RIBC2: variants seen among roughly 807,000 people sequenced by gnomAD.
RIBC2 encodes the protein RIB43A domain with coiled-coils 2, also known as RIB43A-like with coiled-coils protein 2.
In RIBC2, 40 loss-of-function variants were observed where a neutral mutation model predicts 44.3. The ratio of observed to expected loss-of-function variants is 0.90; its 90% CI spans 0.70 to 1.18. RIBC2 has a LOEUF of 1.18. RIBC2 is among the 50% of genes most tolerant of loss of function. The pLI is 0.00. For missense variants in RIBC2, 459 were observed against 485.5 expected (o/e 0.95, Z 0.51); for synonymous variants, 171 against 175.0 (o/e 0.98, Z 0.18).
chr22:45,432,142 G>A (rs1273537057), intron 6 of RIBC2, 142 bp from the exon 7 acceptor site: 2 of 561,590 alleles, frequency 3.6e-6, no homozygotes, highest in Non-Finnish European at 3.2e-6. Context: ...ATTTTGGGGG[G>A]CTCATTAGGT....
Position 45,425,993 on chromosome 22 carries a change from C to A in RIBC2, c.721C>A (p.Gln241Lys), listed in dbSNP as rs1555939245. Residue 241 changes from glutamine (Q) to lysine (K), a missense_variant, in exon 5 of 7, where the codon CAA (glutamine) becomes AAA (lysine). By Grantham distance (53) the Gln-to-Lys change is moderately conservative. Transcript: ENST00000614167. The part of the protein sequence containing the change: ...ERKKQEKKQE[Q>K]EDNLAEITNL... The stretch of plus-strand genomic sequence containing the variant: ...GAAAAAGCAAGAGAAAAAGCAAGAA[C>A]AAGAGGACAACTTGGCCGAGATCAC... 1 of 1,614,080 alleles carries A rather than the reference C, an allele frequency of 6.2e-7. No homozygotes were observed. The highest frequency in any genetic ancestry group is 1.1e-5 in the South Asian group (1 of 91,084).
chr22:45,414,642 C>T (rs1031713064), intron 2 of RIBC2, among the ~76,000 whole-genome samples: 1 of 152,014 alleles, frequency 6.6e-6, no homozygotes, highest in African/African-American at 2.4e-5. Flanking sequence ...ACCCAGCCCT[C>T]CTTTCTTCAC....
rs200448122 is a variant in RIBC2 at position 45,426,021 on chromosome 22, A to G, written c.749A>G (p.Asn250Ser). 2.4e-5 allele frequency: 39 copies of G among 1,613,774 alleles called. No homozygotes were observed. The highest frequency in any genetic ancestry group is 3.1e-5 in the Non-Finnish European group (36 of 1,179,988). ...EQEDNLAEIT[N>S]LLRGDLLSEN... ...GAGGACAACTTGGCCGAGATCACCA[A>G]CCTCCTGCGTGGGGACCTGCTCTCC... Residue 250 changes from asparagine to serine, a missense_variant, in exon 5 of 7, where the codon AAC becomes AGC. By Grantham distance (46) the Asn-to-Ser change is conservative (BLOSUM62 1). Transcript: ENST00000614167.
At chr22:45,431,106 G>A (rs370643392) in intron 6 of RIBC2, 40 bp downstream of exon 6, 19 of 1,553,608 alleles carry the variant, frequency 1.2e-5, no homozygotes, top group African/African-American at 2.7e-5. Context: ...GGGGGACCGG[G>A]TGGAGGGACC....
chr22:45,425,153 A>C (rs2087522874), intron 4 of RIBC2, among the ~76,000 whole-genome samples: 1 of 152,070 alleles, frequency 6.6e-6, no homozygotes, highest in African/African-American at 2.4e-5. Flanking sequence ...ACAAAAAAAA[A>C]CGGGTGTAGG....
chr22:45,428,708 G>A (rs1258965052), intron 5 of RIBC2, among the ~76,000 whole-genome samples: 1 of 152,154 alleles, frequency 6.6e-6, no homozygotes, highest in East Asian at 1.9e-4. Context: ...GGGCCGGGGG[G>A]AGTTAGTGCT....
At chr22:45,423,701 G>A (rs192219363) in intron 4 of RIBC2, among the ~76,000 whole-genome samples, 82 of 152,234 alleles carry the variant, frequency 5.4e-4, no homozygotes, top group African/African-American at 1.9e-3. Context: ...AGCCAACTGC[G>A]GGGGCTGGGG....
chr22:45,431,326 AAGGCTTCCTGGAGG>A lies in RIBC2; in HGVS notation c.1070+268_1070+281del, dbSNP rs535343744. Among the ~76,000 whole-genome samples the A allele has an allele frequency of 3.4e-4, 52 of 152,224 alleles. 1 individual carries two copies. Among genetic ancestry groups the A allele is most frequent in the African/African-American group, 1.2e-3 (50 of 41,538 alleles). ...CACTGAGTCTGCTGGGGGAGTCAGGAAGGCTTCCTGGAGGAGGCTTCATTGGTGAGACCCAGGAG... is the reference window on the plus strand; with the variant it reads ...CACTGAGTCTGCTGGGGGAGTCAGGAAGGCTTCATTGGTGAGACCCAGGAG... On this transcript the variant is annotated intron_variant, in intron 6 of 6. Transcript: ENST00000614167.
At chr22:45,423,074 C>T (rs1268092679) in intron 4 of RIBC2, among the ~76,000 whole-genome samples, 1 of 152,156 alleles carries the variant, frequency 6.6e-6, no homozygotes. Flanking sequence ...CTCGACCTCC[C>T]AGGCTCAGAT....
chr22:45,415,539 CA>C (rs1038511180), intron 2 of RIBC2, among the ~76,000 whole-genome samples: 32 of 152,014 alleles, frequency 2.1e-4, no homozygotes, highest in Middle Eastern at 6.8e-3. Flanking sequence ...TAGATGTTAA[CA>C]TTTTGCCAGA....
At chr22:45,422,512 G>A in intron 4 of RIBC2, 104 bp downstream of exon 4, 2 of 823,546 alleles carry the variant, frequency 2.4e-6, no homozygotes, top group Non-Finnish European at 2.1e-6. Flanking sequence ...GTCTCAGCCT[G>A]CTCCCTGGTC....
intron 6 of RIBC2, among the ~76,000 whole-genome samples, 200 bp downstream of exon 6, chr22:45,431,266 A>C (rs1407474267): frequency 2.0e-5 from 3 of 152,134 alleles, no homozygotes; most frequent in Non-Finnish European, 4.4e-5. Flanking sequence ...CACGGGGTGC[A>C]TGGGTGGAGG....
At position 45,416,903 on chromosome 22, in the gene RIBC2, T is replaced by G. The variant is rs532827742; in HGVS notation, c.212-699T>G. Among the ~76,000 whole-genome samples the G allele has an allele frequency of 5.3e-3, 795 of 149,858 alleles. 1 individual carries two copies. The highest frequency in any genetic ancestry group is 9.6e-3 in the Non-Finnish European group (649 of 67,276). ...ATAATTGTATTGATTACTCAGGTTTTTTTTTTTTTTTTTTTTGAGACAGAG... is the reference window on the plus strand; with the variant it reads ...ATAATTGTATTGATTACTCAGGTTTGTTTTTTTTTTTTTTTTGAGACAGAG... On this transcript the variant is annotated intron_variant, in intron 2 of 6. Transcript: ENST00000614167.
chr22:45,429,631 G>A (rs2087561907), intron 5 of RIBC2, among the ~76,000 whole-genome samples: 1 of 152,100 alleles, frequency 6.6e-6, no homozygotes, highest in Admixed American at 6.5e-5. Context: ...GACCTGGGCA[G>A]GCAGGGGGCG....
intron 2 of RIBC2, among the ~76,000 whole-genome samples, chr22:45,416,150 A>G (rs1029001703): frequency 1.3e-5 from 2 of 152,192 alleles, no homozygotes; most frequent in Non-Finnish European, 2.9e-5. Context: ...TGTATTTTTG[A>G]AATTAATCAG....
At chr22:45,425,839 C>T in intron 4 of RIBC2, 109 bp from the exon 5 acceptor site, 1 of 920,276 alleles carries the variant, frequency 1.1e-6, no homozygotes. Context: ...CTCCTGCTGC[C>T]CTTAGCATAT....
chr22:45,414,402 T>C lies in RIBC2; in HGVS notation c.210T>C (p.Phe70=), dbSNP rs2146869912. The C allele has an allele frequency of 6.5e-7, 1 of 1,546,012 alleles. No individual in the cohort carries two copies. The highest frequency in any genetic ancestry group is 8.8e-7 in the Non-Finnish European group (1 of 1,142,632). ...EATEKARHET[F]AAEMRQNDKI... ...CTGAAAAAGCTAGACATGAAACCTT[T>C]GGTGAGCATTTCCTGAATGCTTATC... Residue 70 remains phenylalanine, a splice_region_variant and synonymous_variant, in exon 2 of 7, where the codon TTT becomes TTC. Transcript: ENST00000614167.
chr22:45,418,954 G>A (rs2087451998), intron 3 of RIBC2, among the ~76,000 whole-genome samples: 1 of 152,112 alleles, frequency 6.6e-6, no homozygotes, highest in South Asian at 2.1e-4. Flanking sequence ...GGACCTAACA[G>A]TCGATCACCT....
intron 6 of RIBC2, among the ~76,000 whole-genome samples, chr22:45,431,623 G>A (rs1462529248): frequency 6.6e-6 from 1 of 152,152 alleles, no homozygotes; most frequent in African/African-American, 2.4e-5. Flanking sequence ...ATATCTGGTT[G>A]CTTGTGGGTC....
Sources: gnomAD v4.1 joint callset for allele counts (sites outside exome capture counted in the v4.1 genomes callset) on GRCh38, gnomAD v4.1.1 for gene constraint, MANE v1.5 for transcripts, NCBI Gene and HGNC (gene_info 2026-07-23, HGNC 2026-07-21) for gene names.